The following RABGAP1L variants were observed in gnomAD, a reference collection of about 807,000 sequenced individuals.
RABGAP1L encodes rab GTPase-activating protein 1-like.
A neutral mutation model predicts 137.7 loss-of-function variants in RABGAP1L; 63 were observed. That is an observed-to-expected ratio of 0.46 (90% CI 0.37 to 0.56). RABGAP1L has a LOEUF of 0.56. Ranked by LOEUF, RABGAP1L falls within the 20% of genes least tolerant of loss-of-function variation. RABGAP1L has a pLI of 0.00. For synonymous variants in RABGAP1L, 431 were observed against 433.7 expected, an observed-to-expected ratio of 0.99 and a Z score of 0.08; for missense variants, 1,095 against 1,244.0, an observed-to-expected ratio of 0.88 and a Z score of 1.80.
At chr1:174,721,801 T>A (rs1681560678) in intron 17 of RABGAP1L, among the ~76,000 whole-genome samples, 1 of 152,220 alleles carries the variant, frequency 6.6e-6, no homozygotes, top group African/African-American at 2.4e-5. Context: ...ATCAGTAGTA[T>A]CCTATAAATA....
chr1:174,490,280 G>A (rs905968566), intron 13 of RABGAP1L, among the ~76,000 whole-genome samples: 11 of 152,146 alleles, frequency 7.2e-5, no homozygotes, highest in African/African-American at 2.7e-4. Context: ...TCTAAGCACT[G>A]CCTGCATGAA....
At chr1:174,197,369 G>T (rs1667767153) in intron 1 of RABGAP1L, among the ~76,000 whole-genome samples, 1 of 151,468 alleles carries the variant, frequency 6.6e-6, no homozygotes, top group Non-Finnish European at 1.5e-5. Flanking sequence ...TTATAAGTAG[G>T]TTTGGTTCCA....
At chr1:174,962,627 C>G (rs1377534487) in intron 20 of RABGAP1L, among the ~76,000 whole-genome samples, 1 of 151,136 alleles carries the variant, frequency 6.6e-6, no homozygotes, top group Non-Finnish European at 1.5e-5. Flanking sequence ...TTTTGCCATC[C>G]TTAAATATCT....
chr1:174,617,100 AT>A (rs1341692187), intron 13 of RABGAP1L, among the ~76,000 whole-genome samples: 1 of 152,194 alleles, frequency 6.6e-6, no homozygotes, highest in Non-Finnish European at 1.5e-5. Context: ...TAGGATGTAT[AT>A]TTACCTGAGT....
chr1:174,805,256 C>T (rs1395705702), intron 18 of RABGAP1L, among the ~76,000 whole-genome samples: 1 of 152,140 alleles, frequency 6.6e-6, no homozygotes, highest in African/African-American at 2.4e-5. Context: ...ATTCTACTTA[C>T]CTTTCCCTCT....
At position 174,181,770 on chromosome 1, in the gene RABGAP1L, C is replaced by G. The variant is rs531221638; in HGVS notation, c.-34+22113C>G. On this transcript the variant is annotated intron_variant, in intron 1 of 25. Transcript: ENST00000681986. Reference sequence around the variant, plus strand: ...AAGAGAGAGTATGTGTGTAAGGTCACTATTCCTGAGCATATGCCAGTAAGG... The same window carrying G: ...AAGAGAGAGTATGTGTGTAAGGTCAGTATTCCTGAGCATATGCCAGTAAGG... 1.2e-4 allele frequency among the ~76,000 whole-genome samples: 18 copies of G among 152,200 alleles called. 2 individuals are homozygous for G. In the South Asian group the frequency reaches 3.7e-3, roughly 32 times the overall value.
chr1:174,391,204 G>A (rs1687184707), intron 12 of RABGAP1L, among the ~76,000 whole-genome samples: 1 of 152,156 alleles, frequency 6.6e-6, no homozygotes. Context: ...ACTGAATTGA[G>A]GTAGGAGTTG....
At chr1:174,428,579 C>G (rs1652229837) in intron 13 of RABGAP1L, among the ~76,000 whole-genome samples, 1 of 152,122 alleles carries the variant, frequency 6.6e-6, no homozygotes, top group Admixed American at 6.5e-5. Flanking sequence ...TTTGCCTTCA[C>G]TTTCACTTGC....
chr1:174,221,884 G>C (rs1052799871), intron 3 of RABGAP1L, among the ~76,000 whole-genome samples: 1 of 152,074 alleles, frequency 6.6e-6, no homozygotes, highest in African/African-American at 2.4e-5. Flanking sequence ...TTCTTTTACT[G>C]ATTTTTAAAA....
chr1:174,816,868 C>G (rs1690478936), intron 19 of RABGAP1L, among the ~76,000 whole-genome samples: 1 of 151,678 alleles, frequency 6.6e-6, no homozygotes, highest in Non-Finnish European at 1.5e-5. Context: ...GTAGCTGGGA[C>G]TACAGGCGTG....
chr1:174,979,721 C>T (rs1351390575), intron 23 of RABGAP1L, among the ~76,000 whole-genome samples: 1 of 152,194 alleles, frequency 6.6e-6, no homozygotes, highest in Non-Finnish European at 1.5e-5. Flanking sequence ...AAGGGCTCAT[C>T]TTCTTGAGGA....
At chr1:174,678,604 T>C (rs1677819290) in intron 14 of RABGAP1L, among the ~76,000 whole-genome samples, 1 of 152,146 alleles carries the variant, frequency 6.6e-6, no homozygotes, top group Admixed American at 6.5e-5. Context: ...GAAAGTAATA[T>C]GATCATTATG....
chr1:174,276,179 G>A (rs1051316054), intron 9 of RABGAP1L, among the ~76,000 whole-genome samples: 1 of 152,094 alleles, frequency 6.6e-6, no homozygotes, highest in East Asian at 1.9e-4. Context: ...GTCTCACTCT[G>A]TTGCCCAGGG....
chr1:174,535,434 C>T (rs867556725), intron 13 of RABGAP1L, among the ~76,000 whole-genome samples: 61 of 152,116 alleles, frequency 4.0e-4, no homozygotes, highest in African/African-American at 1.4e-3. Flanking sequence ...CAAAGATGCC[C>T]AATTAGTCAG....
At chr1:174,952,388 A>G (rs1279955491) in intron 19 of RABGAP1L, among the ~76,000 whole-genome samples, 1 of 142,992 alleles carries the variant, frequency 7.0e-6, no homozygotes, top group Non-Finnish European at 1.5e-5. Flanking sequence ...GTGTGCCCCT[A>G]TAGTCCCAGC....
intron 13 of RABGAP1L, among the ~76,000 whole-genome samples, chr1:174,584,251 C>T (rs1668950786): frequency 6.6e-6 from 1 of 152,146 alleles, no homozygotes; most frequent in African/African-American, 2.4e-5. Flanking sequence ...TTTTGGCAGT[C>T]TGTGGGTAAA....
chr1:174,603,402 AC>A (rs1670555973), intron 13 of RABGAP1L, among the ~76,000 whole-genome samples: 1 of 152,084 alleles, frequency 6.6e-6, no homozygotes, highest in Non-Finnish European at 1.5e-5. Context: ...GGTGAGTCAG[AC>A]CCGAATCCAG....
chr1:174,239,910 A>T (rs1671645603), intron 4 of RABGAP1L, among the ~76,000 whole-genome samples: 1 of 152,228 alleles, frequency 6.6e-6, no homozygotes, highest in Non-Finnish European at 1.5e-5. Flanking sequence ...AATTCCAAGT[A>T]CCAAAATATT....
intron 13 of RABGAP1L, among the ~76,000 whole-genome samples, chr1:174,524,087 G>C (rs956119203): frequency 1.1e-4 from 16 of 152,128 alleles, no homozygotes; most frequent in African/African-American, 3.9e-4. Context: ...ACAGTTCTGT[G>C]ATAACATGCA....
Sources: gnomAD v4.1 joint callset for allele counts (sites outside exome capture counted in the v4.1 genomes callset) on GRCh38, gnomAD v4.1.1 for gene constraint, MANE v1.5 for transcripts, NCBI Gene and HGNC (gene_info 2026-07-23, HGNC 2026-07-21) for gene names.